Variants in DLG5 observed in about 807,000 individuals in gnomAD.
The protein encoded by DLG5 is disks large homolog 5.
In DLG5, 48 loss-of-function variants were observed where a neutral mutation model predicts 189.8. That is an observed-to-expected ratio of 0.25 (90% CI 0.20 to 0.32). DLG5 has a LOEUF of 0.32. DLG5 is among the 10% of genes least tolerant of loss of function. The pLI is 1.00. For synonymous variants in DLG5, 1,016 were observed against 1,054.1 expected, an observed-to-expected ratio of 0.96 and a Z score of 0.70; for missense variants, 2,160 against 2,544.7, an observed-to-expected ratio of 0.85 and a Z score of 3.25.
chr10:77,895,229 C>A (rs1845724628), intron 1 of DLG5, among the ~76,000 whole-genome samples: 1 of 152,164 alleles, frequency 6.6e-6, no homozygotes, highest in Non-Finnish European at 1.5e-5. Context: ...TCCACCCTGT[C>A]CCCGCCAATG....
At chr10:77,904,162 A>G (rs969026032) in intron 1 of DLG5, among the ~76,000 whole-genome samples, 1 of 152,202 alleles carries the variant, frequency 6.6e-6, no homozygotes, top group African/African-American at 2.4e-5. Context: ...ACTGCACTTC[A>G]GCCTGGGCAA....
chr10:77,926,916 G>A (rs945636575), upstream of DLG5: 6 of 350,700 alleles, frequency 1.7e-5, no homozygotes, highest in African/African-American at 1.1e-4. This position sits in a 1 kb window ranked among gnomAD's most constrained non-coding sequence, Gnocchi z 5.2. Flanking sequence ...CCCGAAAGCC[G>A]GGCCGCGCGC....
In DLG5 at chr10:77,806,488, G is replaced by A. The variant is rs905892676; in HGVS notation, c.4967+270C>T. 7.2e-5 allele frequency among the ~76,000 whole-genome samples: 11 copies of A among 152,130 alleles called. No individual in the cohort carries two copies. In the East Asian group the frequency reaches 1.7e-3, roughly 24 times the overall value. On this transcript the variant is annotated intron_variant, in intron 26 of 31. Transcript: ENST00000372391. The stretch of plus-strand genomic sequence containing the variant: ...ACTGAATGGTACACTTTGAGGGAGC[G>A]GCAAGGCACGAGTATCTCCATAAAT...
chr10:77,868,139 ACAAT>A (rs1844761245), intron 2 of DLG5: 2 of 454,430 alleles, frequency 4.4e-6, no homozygotes, highest in African/African-American at 2.0e-5. Flanking sequence ...GAACTGTGAG[ACAAT>A]CAATTTCTGC....
chr10:77,799,803 G>A (rs1268043056), intron 27 of DLG5, among the ~76,000 whole-genome samples: 1 of 152,094 alleles, frequency 6.6e-6, no homozygotes, highest in African/African-American at 2.4e-5. Context: ...AGAGATGGGA[G>A]TCTTGCCATG....
chr10:77,829,200 A>G (rs1205887959), intron 12 of DLG5, among the ~76,000 whole-genome samples, 155 bp downstream of exon 12: 1 of 152,190 alleles, frequency 6.6e-6, no homozygotes, highest in African/African-American at 2.4e-5. Flanking sequence ...CAGGGCCCAG[A>G]CCACCTCTTG....
chr10:77,850,055 A>C (rs1251075529), intron 5 of DLG5, among the ~76,000 whole-genome samples: 2 of 151,964 alleles, frequency 1.3e-5, no homozygotes, highest in South Asian at 4.1e-4. Context: ...TTCCTCTCTG[A>C]GTTATAATTT....
chr10:77,859,463 G>A (rs553917670), intron 2 of DLG5, among the ~76,000 whole-genome samples: 3 of 152,238 alleles, frequency 2.0e-5, no homozygotes, highest in East Asian at 3.9e-4. Flanking sequence ...TGTACAGGTG[G>A]ACCATTTTTT....
At chr10:77,831,239 T>C (rs1199001141) in intron 9 of DLG5, among the ~76,000 whole-genome samples, 1 of 152,056 alleles carries the variant, frequency 6.6e-6, no homozygotes, top group Non-Finnish European at 1.5e-5. Context: ...ACCTCGTCTC[T>C]ACTAAAAATA....
intron 1 of DLG5, among the ~76,000 whole-genome samples, chr10:77,897,572 C>T (rs907802115): frequency 6.6e-6 from 1 of 151,300 alleles, no homozygotes; most frequent in Non-Finnish European, 1.5e-5. Context: ...GCCTGTAAGC[C>T]CAGCACTTTG....
chr10:77,828,798 T>C (rs1842764800), intron 13 of DLG5, 84 bp downstream of exon 13: 2 of 1,333,016 alleles, frequency 1.5e-6, no homozygotes, highest in Admixed American at 3.7e-5. Context: ...TATAAAAACT[T>C]TGCTCATTAC....
intron 9 of DLG5, among the ~76,000 whole-genome samples, chr10:77,833,252 G>A (rs1426971005): frequency 6.6e-6 from 1 of 152,120 alleles, no homozygotes; most frequent in East Asian, 1.9e-4. Context: ...TGCTGTAATC[G>A]AGGGGAGGAT....
Position 77,877,768 on chromosome 10 carries a change from G to A in DLG5, c.305-8571C>T, listed in dbSNP as rs568017855. 1.6e-3 allele frequency among the ~76,000 whole-genome samples: 247 copies of A among 152,286 alleles called. 1 individual carries two copies. The highest frequency in any genetic ancestry group is 5.9e-3 in the African/African-American group (244 of 41,566). On this transcript the variant is annotated intron_variant, in intron 1 of 31. Transcript: ENST00000372391. ...GATTAAGGAGGAGGATGGGGCCATC[G>A]TGCTATGCCCTGGAAGGTGGGGGTG...
chr10:77,799,244 G>A (rs140396120), intron 27 of DLG5, among the ~76,000 whole-genome samples: 91 of 152,280 alleles, frequency 6.0e-4, no homozygotes, highest in African/African-American at 1.9e-3. Flanking sequence ...TAGACCATAC[G>A]GCAATGGCTT....
intron 1 of DLG5, among the ~76,000 whole-genome samples, chr10:77,908,158 C>T (rs1210014930): frequency 6.6e-6 from 1 of 152,128 alleles, no homozygotes; most frequent in Non-Finnish European, 1.5e-5. Flanking sequence ...AAAGAGACAG[C>T]CACAACACAG....
intron 11 of DLG5, among the ~76,000 whole-genome samples, 177 bp from the exon 12 acceptor site, chr10:77,829,707 AG>A (rs1842811321): frequency 6.6e-6 from 1 of 152,214 alleles, no homozygotes; most frequent in South Asian, 2.1e-4. Context: ...GAGGTTAGAC[AG>A]CCTGGGTTCA....
At chr10:77,828,316 T>C (rs2154575860) in intron 13 of DLG5, among the ~76,000 whole-genome samples, 1 of 152,040 alleles carries the variant, frequency 6.6e-6, no homozygotes, top group African/African-American at 2.4e-5. Flanking sequence ...TGAAACCCCA[T>C]CTCTACTAAA....
chr10:77,919,497 G>A (rs1334319956), intron 1 of DLG5, among the ~76,000 whole-genome samples: 1 of 149,356 alleles, frequency 6.7e-6, no homozygotes, highest in African/African-American at 2.5e-5. Flanking sequence ...GTTGAACTGG[G>A]GGAAAAAAAA....
At chr10:77,805,897 G>A (rs2289311) in intron 26 of DLG5, 36 bp from the exon 27 acceptor site, 514,802 of 1,575,354 alleles carry the variant, frequency 0.33, 85,586 homozygotes, top group Non-Finnish European at 0.34. Context: ...CAGGGCCATC[G>A]AGACCCTGCT....
Sources: allele counts gnomAD v4.1 joint callset (sites outside exome capture counted in the v4.1 genomes callset), GRCh38; gene constraint gnomAD v4.1.1; non-coding constraint Gnocchi (gnomAD v3.1); transcripts MANE v1.5; gene names NCBI Gene and HGNC (gene_info 2026-07-23, HGNC 2026-07-21).